SLC7A8: variants seen among roughly 807,000 people sequenced by gnomAD.
SLC7A8 encodes the protein large neutral amino acids transporter small subunit 2.
Under a neutral mutation model 51.2 loss-of-function variants are expected in SLC7A8, and 30 were observed. The observed-to-expected ratio is 0.59, with a 90% CI of 0.44 to 0.80. The LOEUF (loss-of-function observed/expected upper bound fraction) is 0.80, where lower values mean the gene tolerates loss of function less well. SLC7A8 is among the 30% of genes least tolerant of loss of function. SLC7A8 has a pLI of 0.00. For missense variants in SLC7A8, 612 were observed against 674.4 expected (o/e 0.91, Z 1.03); for synonymous variants, 257 against 275.8 (o/e 0.93, Z 0.67).
intron 9 of SLC7A8, 52 bp downstream of exon 9, chr14:23,129,598 C>T: frequency 6.3e-7 from 1 of 1,589,790 alleles, no homozygotes; most frequent in Admixed American, 1.7e-5. Flanking sequence ...ATCTGAACTG[C>T]AGCTAGAACC....
In SLC7A8 at chr14:23,127,239, G is replaced by T. The variant is rs370580929; in HGVS notation, c.1546C>A (p.Gln516Lys). 105 of 1,614,010 alleles carry T rather than the reference G, an allele frequency of 6.5e-5. No individual in the cohort carries two copies. The highest frequency in any genetic ancestry group is 8.3e-5 in the Non-Finnish European group (98 of 1,179,994). Residue 516 changes from glutamine to lysine, a missense_variant, in exon 11 of 11, where the codon CAG (glutamine) becomes AAG (lysine). By Grantham distance (53) the Gln-to-Lys change is moderately conservative (BLOSUM62 1). Coordinates refer to ENST00000316902, the MANE Select transcript of SLC7A8 (RefSeq NM_012244.4). ...EANEDMEEQQ[Q>K]PMYQPTPTKD... The stretch of plus-strand genomic sequence containing the variant: ...GTGGGAGTGGGTTGGTACATGGGCT[G>T]CTGCTGCTCCTCCATGTCCTCATTA...
At chr14:23,174,954 T>C (rs1333052787) in intron 1 of SLC7A8, among the ~76,000 whole-genome samples, 1 of 152,170 alleles carries the variant, frequency 6.6e-6, no homozygotes, top group Non-Finnish European at 1.5e-5. Flanking sequence ...TGTGCCTGCT[T>C]TTCTAGATCC....
At chr14:23,142,329 G>A (rs577045381) in intron 4 of SLC7A8, among the ~76,000 whole-genome samples, 1 of 152,124 alleles carries the variant, frequency 6.6e-6, no homozygotes. Context: ...TGTTGGCAGG[G>A]GCCCCGGGAA....
Position 23,163,576 on chromosome 14 carries a change from G to C in SLC7A8, c.508+1709C>G, listed in dbSNP as rs577216434. On this transcript the variant is annotated intron_variant, in intron 3 of 10. Transcript: ENST00000316902. ...GTCCCAGCTGCCTGCCCTGTAAGAG[G>C]CTACTGAGGTGGGTGAGTGATCTCT... 1.5e-3 allele frequency among the ~76,000 whole-genome samples: 225 copies of C among 152,256 alleles called. 1 individual carries two copies. The highest frequency in any genetic ancestry group is 5.2e-3 in the African/African-American group (214 of 41,540).
chr14:23,134,906 A>T (rs191290563), intron 7 of SLC7A8, among the ~76,000 whole-genome samples: 120 of 152,180 alleles, frequency 7.9e-4, no homozygotes, highest in African/African-American at 2.8e-3. Flanking sequence ...TTGATGTTTA[A>T]ATCAATTTTA....
chr14:23,161,113 C>G (rs998446421), intron 3 of SLC7A8, among the ~76,000 whole-genome samples: 2 of 152,010 alleles, frequency 1.3e-5, no homozygotes, highest in Admixed American at 1.3e-4. Flanking sequence ...CTTCCCTCTC[C>G]CTCTCCTCTC....
intron 3 of SLC7A8, chr14:23,154,223 C>G (rs895075222): frequency 1.0e-6 from 1 of 998,504 alleles, no homozygotes; most frequent in African/African-American, 1.7e-5. Context: ...TCACCTGGGT[C>G]ATGGCCTGCC....
intron 7 of SLC7A8, among the ~76,000 whole-genome samples, chr14:23,135,367 G>C (rs2048679754): frequency 6.6e-6 from 1 of 151,332 alleles, no homozygotes; most frequent in South Asian, 2.1e-4. Context: ...GGGGATTATA[G>C]GTGTGAGCCA....
At chr14:23,141,780 A>G (rs757554448) in intron 4 of SLC7A8, among the ~76,000 whole-genome samples, 7 of 152,186 alleles carry the variant, frequency 4.6e-5, no homozygotes, top group Non-Finnish European at 7.4e-5. Flanking sequence ...TTCCCCAAGG[A>G]CAGGAATTTT....
At position 23,126,025 on chromosome 14, in the gene SLC7A8, G is replaced by A. The variant is rs2048572886; in HGVS notation, c.*1152C>T. Reference sequence around the variant, plus strand: ...GTTGGGGATGGATGGGAAAGGAACTGGGCTTCAGCCAATGCTCTCCTCAGT... The same window carrying A: ...GTTGGGGATGGATGGGAAAGGAACTAGGCTTCAGCCAATGCTCTCCTCAGT... On this transcript the variant is annotated 3_prime_UTR_variant, in exon 11 of 11. Transcript: ENST00000316902. The A allele has an allele frequency of 6.5e-6, 1 of 152,904 alleles. No homozygotes were observed. The highest frequency in any genetic ancestry group is 1.5e-5 in the Non-Finnish European group (1 of 68,284). 9.5% of individuals were successfully genotyped at this position (152,904 alleles called of 1,614,324 possible). A position where few individuals can be genotyped will look rare whatever the true frequency, so the allele number is the denominator to read the frequency against.
chr14:23,165,386 G>A lies in SLC7A8; in HGVS notation c.407C>T (p.Ala136Val), dbSNP rs977577861. Residue 136 changes from alanine (A) to valine (V), a missense_variant, in exon 3 of 11, where the codon GCT (alanine) becomes GTT (valine). Transcript: ENST00000316902. This position sits in a 1 kb window ranked among gnomAD's most constrained non-coding sequence, Gnocchi z 4.2. ...AVLVIYPTNQ[A>V]VIALTFSNYV... is the part of the protein sequence containing the mutation. The stretch of plus-strand genomic sequence containing the variant: ...GTTGGAGAAGGTGAGGGCGATGACA[G>A]CCTGGTTGGTGGGGTAGATCACCAG... The A allele has an allele frequency of 1.9e-6, 3 of 1,601,244 alleles. No homozygotes were observed. Among genetic ancestry groups the A allele is most frequent in the African/African-American group, 2.7e-5 (2 of 73,970 alleles).
chr14:23,133,271 C>G (rs978309834), intron 7 of SLC7A8, among the ~76,000 whole-genome samples: 2 of 151,682 alleles, frequency 1.3e-5, no homozygotes, highest in Non-Finnish European at 1.5e-5. Flanking sequence ...ACCCTTGTCT[C>G]TACAAAAAAT....
chr14:23,138,066 A>G (rs2048707715), intron 6 of SLC7A8, 42 bp from the exon 7 acceptor site: 3 of 1,606,406 alleles, frequency 1.9e-6, no homozygotes, highest in Non-Finnish European at 2.6e-6. Context: ...AGAGGTCACC[A>G]CTCCCCGACC....
Position 23,166,185 on chromosome 14 carries a change from C to T in SLC7A8, c.356+151G>A, listed in dbSNP as rs1008377503. ...TACAAGGCTACACTAGCAACCATGG[C>T]AGGAAAGCAGAAGAGACATTCCATT... is the stretch of plus-strand genomic sequence containing the variant. On this transcript the variant is annotated intron_variant, in intron 2 of 10. Transcript: ENST00000316902. 47 of 767,456 alleles carry T rather than the reference C, an allele frequency of 6.1e-5. No homozygotes were observed. In the South Asian group the frequency reaches 7.1e-4, roughly 12 times the overall value. 47.5% of individuals were successfully genotyped at this position (767,456 alleles called of 1,614,324 possible). A position where few individuals can be genotyped will look rare whatever the true frequency, so the allele number is the denominator to read the frequency against.
In SLC7A8 at chr14:23,165,299, G is replaced by A. The variant is rs2048943624; in HGVS notation, c.494C>T (p.Ala165Val). ...ATGACACTTACATAAGCAGATGGCA[G>A]CCAGGAGCCGAAGGCCAGACTCTGG... ...FPPESGLRLLAAICLLLLTWV... is the reference protein window; with the variant it reads ...FPPESGLRLLVAICLLLLTWV... Residue 165 changes from alanine (A) to valine (V), a missense_variant, in exon 3 of 11, where the codon GCT (alanine) becomes GTT (valine). Physicochemically the swap from Ala to Val is moderately conservative, Grantham distance 64. Transcript: ENST00000316902. The surrounding 1 kb of genome is among the most constrained non-coding windows in gnomAD (Gnocchi z 4.2). The A allele has an allele frequency of 1.2e-6, 2 of 1,609,548 alleles. No homozygotes were observed. The highest frequency in any genetic ancestry group is 1.7e-6 in the Non-Finnish European group (2 of 1,178,070).
In SLC7A8 at chr14:23,137,954, CCAAATGTGGACAGGG is replaced by C; in HGVS notation, c.968_982del (p.Ala323_Phe327del). 1 of 1,613,970 alleles carries C rather than the reference CCAAATGTGGACAGGG, an allele frequency of 6.2e-7. No homozygotes were observed. Among genetic ancestry groups the C allele is most frequent in the Non-Finnish European group, 8.5e-7 (1 of 1,179,990 alleles). ...GGTGAAGAGAGACCCATTAACTCCT[CCAAATGTGGACAGGG>C]CAACAGAAATGGGCATGATCCAGGC... On this transcript the variant is annotated inframe_deletion, in exon 7 of 11. Transcript: ENST00000316902.
chr14:23,127,882 G>T, intron 10 of SLC7A8, 137 bp downstream of exon 10: 3 of 740,720 alleles, frequency 4.1e-6, no homozygotes, highest in African/African-American at 1.8e-5. Context: ...CCCTGCTCTG[G>T]ACTCTTCCAG....
intron 1 of SLC7A8, among the ~76,000 whole-genome samples, chr14:23,168,401 G>C (rs2048960531): frequency 6.6e-6 from 1 of 152,168 alleles, no homozygotes; most frequent in African/African-American, 2.4e-5. Context: ...ACAATATCAA[G>C]TGCTGGGAAA....
intron 3 of SLC7A8, among the ~76,000 whole-genome samples, chr14:23,148,574 G>A (rs1023428301): frequency 4.6e-5 from 7 of 152,176 alleles, no homozygotes; most frequent in Non-Finnish European, 2.9e-5. Flanking sequence ...TTATCCAGAG[G>A]GACCAGTGTT....
Sources: gnomAD v4.1 joint callset for allele counts (sites outside exome capture counted in the v4.1 genomes callset) on GRCh38, gnomAD v4.1.1 for gene constraint, Gnocchi (gnomAD v3.1) non-coding constraint, MANE v1.5 for transcripts, NCBI Gene and HGNC (gene_info 2026-07-23, HGNC 2026-07-21) for gene names.